ZNG1B: variants seen among roughly 807,000 people sequenced by gnomAD.
ZNG1B encodes Zn regulated GTPase metalloprotein activator 1B, also known as zinc-regulated GTPase metalloprotein activator 1B.
At chr2:113,485,606 G>T in the ZNG1B span, among the ~76,000 whole-genome samples, 1 of 148,430 alleles carries the variant, frequency 6.7e-6, no homozygotes, top group African/African-American at 2.5e-5. Context: ...GAAAAATCGG[G>T]AAGGCAAAGT....
chr2:113,453,935 T>C, the ZNG1B span, among the ~76,000 whole-genome samples: 2 of 152,208 alleles, frequency 1.3e-5, no homozygotes, highest in Non-Finnish European at 2.9e-5. Flanking sequence ...TGAACACTTT[T>C]GGGCAGTGAT....
the ZNG1B span, among the ~76,000 whole-genome samples, chr2:113,439,857 AT>A: frequency 9.2e-6 from 1 of 108,754 alleles, no homozygotes; most frequent in Non-Finnish European, 1.9e-5. Context: ...ATTCCCCTCC[AT>A]TCCCCCCTTC....
the ZNG1B span, among the ~76,000 whole-genome samples, chr2:113,473,220 T>G: frequency 6.6e-6 from 1 of 152,148 alleles, no homozygotes; most frequent in Admixed American, 6.5e-5. Context: ...TAAGTCAGAT[T>G]CCTAGGTATT....
the ZNG1B span, among the ~76,000 whole-genome samples, chr2:113,489,303 G>A: frequency 2.6e-5 from 4 of 151,894 alleles, no homozygotes; most frequent in African/African-American, 2.4e-5. Flanking sequence ...GACAAACAGA[G>A]AATTCACCAC....
chr2:113,472,177 T>A, the ZNG1B span, among the ~76,000 whole-genome samples: 1 of 151,248 alleles, frequency 6.6e-6, no homozygotes, highest in Non-Finnish European at 1.5e-5. Flanking sequence ...ATTGCCATTC[T>A]AACTGGTGTG....
At chr2:113,466,788 G>A in the ZNG1B span, 1 of 959,128 alleles carries the variant, frequency 1.0e-6, no homozygotes, top group African/African-American at 1.8e-5. Context: ...ATTTGGGCTG[G>A]GCGCGGTGGC....
the ZNG1B span, chr2:113,445,088 A>T: frequency 6.2e-7 from 1 of 1,602,860 alleles, no homozygotes; most frequent in South Asian, 1.1e-5. Context: ...ACCAGAATAT[A>T]GTTCTGTGAT....
the ZNG1B span, among the ~76,000 whole-genome samples, chr2:113,458,577 T>C: frequency 7.7e-6 from 1 of 129,282 alleles, no homozygotes; most frequent in South Asian, 2.8e-4. Context: ...AGAATTCTAA[T>C]ATTTTGGAGA....
chr2:113,448,535 G>A, the ZNG1B span, among the ~76,000 whole-genome samples: 1 of 149,796 alleles, frequency 6.7e-6, no homozygotes, highest in African/African-American at 2.5e-5. Flanking sequence ...TTTGAAGCCA[G>A]GCATTGACTT....
At chr2:113,477,418 T>TG in the ZNG1B span, among the ~76,000 whole-genome samples, 1 of 152,088 alleles carries the variant, frequency 6.6e-6, no homozygotes, top group Non-Finnish European at 1.5e-5. Flanking sequence ...GCCCACTGTC[T>TG]GGCACTCCCT....
chr2:113,473,238 C>G, the ZNG1B span, among the ~76,000 whole-genome samples: 3 of 151,678 alleles, frequency 2.0e-5, no homozygotes, highest in South Asian at 2.1e-4. Flanking sequence ...ATTTTATTCT[C>G]TTTGAAGCAA....
chr2:113,453,450 G>A, the ZNG1B span, among the ~76,000 whole-genome samples: 108 of 150,504 alleles, frequency 7.2e-4, no homozygotes, highest in East Asian at 0.011. Flanking sequence ...ACGGGGTTTC[G>A]CCATGTTGGC....
chr2:113,458,494 A>C, the ZNG1B span, among the ~76,000 whole-genome samples: 1 of 147,070 alleles, frequency 6.8e-6, no homozygotes, highest in Non-Finnish European at 1.5e-5. Flanking sequence ...ATTTTCATTT[A>C]TTTTTATATT....
the ZNG1B span, among the ~76,000 whole-genome samples, chr2:113,472,335 G>GT: frequency 5.9e-5 from 9 of 151,794 alleles, no homozygotes; most frequent in South Asian, 2.1e-4. Flanking sequence ...GGGGTTGTTT[G>GT]TTTTTTTTCT....
At chr2:113,488,646 A>G in the ZNG1B span, among the ~76,000 whole-genome samples, 2 of 151,334 alleles carry the variant, frequency 1.3e-5, no homozygotes, top group Non-Finnish European at 3.0e-5. Flanking sequence ...GAAATATTCA[A>G]TGAACTAGAT....
the ZNG1B span, among the ~76,000 whole-genome samples, chr2:113,476,198 C>A: frequency 6.6e-6 from 1 of 152,076 alleles, no homozygotes; most frequent in Admixed American, 6.6e-5. Context: ...TCTTTTTATT[C>A]TTTTTTCTCT....
the ZNG1B span, among the ~76,000 whole-genome samples, chr2:113,449,329 C>G: frequency 4.1e-5 from 6 of 147,272 alleles, no homozygotes; most frequent in Admixed American, 3.4e-4. Flanking sequence ...AGCTAACTGG[C>G]TCAAGAGACC....
the ZNG1B span, among the ~76,000 whole-genome samples, chr2:113,448,925 A>AATAG: frequency 6.6e-6 from 1 of 151,750 alleles, no homozygotes; most frequent in Non-Finnish European, 1.5e-5. Flanking sequence ...TAAATAAATA[A>AATAG]AAAATAAGTC....
the ZNG1B span, among the ~76,000 whole-genome samples, chr2:113,456,013 C>T: frequency 1.3e-4 from 19 of 151,712 alleles, no homozygotes; most frequent in African/African-American, 4.4e-4. Context: ...CCACCACGCC[C>T]GGCCTGAACT....
Sources: allele counts gnomAD v4.1 joint callset (sites outside exome capture counted in the v4.1 genomes callset), GRCh38; gene constraint gnomAD v4.1.1; transcripts MANE v1.5; gene names NCBI Gene and HGNC (gene_info 2026-07-23, HGNC 2026-07-21).